The following MT4 variants were observed in gnomAD, a reference collection of about 807,000 sequenced individuals.
MT4 encodes metallothionein 4, also known as metallothionein-4.
MT4 carries 11 observed loss-of-function variants against 9.5 expected under a neutral mutation model. That is an observed-to-expected ratio of 1.16 (90% CI 0.73 to 1.92). The LOEUF is 1.92. MT4 is among the 30% of genes most tolerant of loss of function. The probability of loss-of-function intolerance (pLI) is 0.00; values close to 1 mark genes in which losing one functional copy is unlikely to be tolerated. For missense variants in MT4, 88 were observed against 78.7 expected (o/e 1.12, Z -0.45); for synonymous variants, 29 against 24.6 (o/e 1.18, Z -0.53).
At position 56,566,734 on chromosome 16, in the gene MT4, GAAA is replaced by G. The variant is rs1567329832; in HGVS notation, c.32-1016_32-1014del. On this transcript the variant is annotated intron_variant, in intron 1 of 2. Transcript: ENST00000219162. ...AGAAAGAAAGAAAGAAAGAAAGAAA[GAAA>G]GAAAGAAAGAAGGAAGGAAGGAAGG... is the stretch of plus-strand genomic sequence containing the variant. Among the ~76,000 whole-genome samples, 43 of 36,320 alleles carry G rather than the reference GAAA, an allele frequency of 1.2e-3. 1 individual carries two copies. The highest frequency in any genetic ancestry group is 6.0e-3 in the East Asian group (13 of 2,152). 23.8% of individuals were successfully genotyped at this position (36,320 alleles called of 152,430 possible). A position where few individuals can be genotyped will look rare whatever the true frequency, so the allele number is the denominator to read the frequency against.
At chr16:56,567,689 G>A in intron 1 of MT4, 62 bp from the exon 2 acceptor site, 1 of 1,492,724 alleles carries the variant, frequency 6.7e-7, no homozygotes, top group Admixed American at 1.7e-5. Context: ...TCGGCATCAT[G>A]CCTTATGTTC....
Position 56,567,769 on chromosome 16 carries a change from G to T in MT4, c.50G>T (p.Gly17Val). 6.2e-7 allele frequency: 1 copy of T among 1,613,490 alleles called. No homozygotes were observed. Among genetic ancestry groups the T allele is most frequent in the South Asian group, 1.1e-5 (1 of 91,062 alleles). Reference protein sequence around the residue: ...VCMSGGICMCGDNCKCTTCNC... With the variant: ...VCMSGGICMCVDNCKCTTCNC... ...CTTCTAGGAGGAATCTGCATGTGTG[G>T]AGACAACTGCAAATGCACAACCTGC... The change falls in exon 2 of 3, where the codon GGA becomes GTA. Residue 17 changes from glycine to valine, a missense_variant. Coordinates refer to ENST00000219162, the MANE Select transcript of MT4 (RefSeq NM_032935.3).
chr16:56,568,315 AAG>A (rs1555479713), intron 2 of MT4, among the ~76,000 whole-genome samples: 1 of 147,614 alleles, frequency 6.8e-6, no homozygotes, highest in Non-Finnish European at 1.5e-5. Context: ...GAAAGAAAGA[AAG>A]AAAGAAAGAA....
At chr16:56,568,165 A>C (rs1959560958) in intron 2 of MT4, among the ~76,000 whole-genome samples, 1 of 148,058 alleles carries the variant, frequency 6.8e-6, no homozygotes. Context: ...AAAGAAAAGG[A>C]AGGAAGGAAG....
intron 2 of MT4, 79 bp from the exon 3 acceptor site, chr16:56,568,762 C>T (rs1430711317): frequency 4.0e-6 from 4 of 997,750 alleles, no homozygotes; most frequent in African/African-American, 1.6e-5. Flanking sequence ...TTTCCTACTT[C>T]CTCTAAGTAG....
rs1959554693 is a variant in MT4, at chr16:56,567,795, A to G, written c.76A>G (p.Asn26Asp). Residue 26 changes from asparagine to aspartate, a missense_variant, in exon 2 of 3, where the codon AAC becomes GAC. By Grantham distance (23) the Asn-to-Asp change is conservative. Transcript: ENST00000219162. ...AGACAACTGCAAATGCACAACCTGC[A>G]ACTGTAAAACATATTGGAAGAGTGA... Reference protein sequence around the residue: ...CGDNCKCTTCNCKTYWKSCCP... With the variant: ...CGDNCKCTTCDCKTYWKSCCP... 2 of 1,613,334 alleles carry G rather than the reference A, an allele frequency of 1.2e-6. No individual in the cohort carries two copies. The highest frequency in any genetic ancestry group is 1.3e-5 in the African/African-American group (1 of 74,920).
Position 56,567,785 on chromosome 16 carries a change from C to T in MT4, c.66C>T (p.Cys22=), listed in dbSNP as rs1959554418. ...GCATGTGTGGAGACAACTGCAAATGCACAACCTGCAACTGTAAAACATATT... is the reference window on the plus strand; with the variant it reads ...GCATGTGTGGAGACAACTGCAAATGTACAACCTGCAACTGTAAAACATATT... The part of the protein sequence containing the change: ...GICMCGDNCK[C]TTCNCKTYWK... The change falls in exon 2 of 3, where the codon TGC becomes TGT. Residue 22 remains cysteine, a synonymous_variant. Transcript: ENST00000219162. 1 of 1,613,376 alleles carries T rather than the reference C, an allele frequency of 6.2e-7. No individual in the cohort carries two copies. Among genetic ancestry groups the T allele is most frequent in the South Asian group, 1.1e-5 (1 of 91,082 alleles).
At chr16:56,565,285 A>G in intron 1 of MT4, 126 bp downstream of exon 1, 1 of 1,027,700 alleles carries the variant, frequency 9.7e-7, no homozygotes, top group Non-Finnish European at 1.4e-6. Flanking sequence ...TCGTCCTGGG[A>G]GCCGACAGGT....
intron 2 of MT4, among the ~76,000 whole-genome samples, chr16:56,568,273 GAAA>G (rs1959575922): frequency 1.0e-5 from 1 of 99,058 alleles, no homozygotes. Context: ...GAGAGAGAGA[GAAA>G]GAAAGAAAGA....
intron 2 of MT4, 39 bp from the exon 3 acceptor site, chr16:56,568,802 T>A: frequency 7.0e-7 from 1 of 1,430,126 alleles, no homozygotes; most frequent in Non-Finnish European, 9.5e-7. Flanking sequence ...ATGGAAGTGT[T>A]GACCCACAGC....
intron 1 of MT4, 141 bp downstream of exon 1, chr16:56,565,300 T>A: frequency 4.0e-6 from 3 of 752,990 alleles, no homozygotes; most frequent in Non-Finnish European, 6.3e-6. Context: ...ACAGGTGGAC[T>A]GGCCACCTCT....
intron 1 of MT4, among the ~76,000 whole-genome samples, chr16:56,566,424 G>A (rs1244759147): frequency 6.6e-6 from 1 of 151,864 alleles, no homozygotes; most frequent in Admixed American, 6.6e-5. Flanking sequence ...TACTCAGGAA[G>A]CTGAGGCAAG....
chr16:56,567,487 T>C (rs965496690), intron 1 of MT4, among the ~76,000 whole-genome samples: 6 of 152,162 alleles, frequency 3.9e-5, no homozygotes, highest in Non-Finnish European at 5.9e-5. Flanking sequence ...ATCTCAAGGG[T>C]TGGTCCCAGG....
chr16:56,568,301 G>C (rs1001746466), intron 2 of MT4, among the ~76,000 whole-genome samples: 4 of 146,502 alleles, frequency 2.7e-5, no homozygotes, highest in Non-Finnish European at 6.0e-5. Context: ...AAGAAAGAAA[G>C]AAAGAAAGAA....
chr16:56,568,848 T>C lies in MT4; in HGVS notation c.105T>C (p.Cys35=). Residue 35 remains cysteine, a synonymous_variant, in exon 3 of 3, where the codon TGT becomes TGC. Coordinates refer to ENST00000219162, the MANE Select transcript of MT4 (RefSeq NM_032935.3). The stretch of plus-strand genomic sequence containing the variant: ...ATCTCCTGACTCTTTCAGGCTGCTG[T>C]CCCTGCTGCCCCCCGGGCTGTGCCA... ...CNCKTYWKSC[C]PCCPPGCAKC... 2 of 1,602,396 alleles carry C rather than the reference T, an allele frequency of 1.2e-6. No individual in the cohort carries two copies. The highest frequency in any genetic ancestry group is 1.7e-5 in the Admixed American group (1 of 58,296).
At chr16:56,565,905 T>A (rs1349247652) in intron 1 of MT4, among the ~76,000 whole-genome samples, 2 of 121,302 alleles carry the variant, frequency 1.6e-5, no homozygotes, top group African/African-American at 5.5e-5. Flanking sequence ...GTCTACAAAT[T>A]TTTTTTAAAC....
At chr16:56,568,269 GAGAGAAAGAAAGAAAGAAAGAAAGAA>G (rs1959574996) in intron 2 of MT4, among the ~76,000 whole-genome samples, 5 of 84,532 alleles carry the variant, frequency 5.9e-5, no homozygotes, top group African/African-American at 2.9e-4. Context: ...GAGAGAGAGA[GAGAGAAAGAAAGAAAGAAAGAAAGAA>G]AGAAAGAAAG....
chr16:56,568,271 G>GAGAGAGAGAGAGAGAAAGAA (rs1567330643), intron 2 of MT4, among the ~76,000 whole-genome samples: 10 of 58,650 alleles, frequency 1.7e-4, no homozygotes, highest in Admixed American at 5.9e-4. Context: ...GAGAGAGAGA[G>GAGAGAGAGAGAGAGAAAGAA]AGAAAGAAAG....
chr16:56,568,025 C>T (rs1276945934), intron 2 of MT4, among the ~76,000 whole-genome samples: 2 of 151,500 alleles, frequency 1.3e-5, no homozygotes, highest in East Asian at 3.9e-4. Context: ...TGGTGGTGGG[C>T]ACCTGTAATC....
Sources: allele counts gnomAD v4.1 joint callset (sites outside exome capture counted in the v4.1 genomes callset), GRCh38; gene constraint gnomAD v4.1.1; transcripts MANE v1.5; gene names NCBI Gene and HGNC (gene_info 2026-07-23, HGNC 2026-07-21).